Variants in FRMD3 observed in about 807,000 individuals in gnomAD.
FRMD3 encodes FERM domain containing 3, also known as FERM domain-containing protein 3.
FRMD3 carries 33 observed loss-of-function variants against 70.2 expected under a neutral mutation model. That is an observed-to-expected ratio of 0.47 (90% CI 0.36 to 0.63). FRMD3 has a LOEUF of 0.63. Ranked by LOEUF, FRMD3 falls within the 20% of genes least tolerant of loss-of-function variation. The pLI is 0.00. For missense variants in FRMD3, 632 were observed against 711.4 expected, an observed-to-expected ratio of 0.89 and a Z score of 1.27; for synonymous variants, 279 against 255.9, an observed-to-expected ratio of 1.09 and a Z score of -0.86.
chr9:83,478,752 T>C (rs1019918167), intron 1 of FRMD3, among the ~76,000 whole-genome samples: 2 of 152,138 alleles, frequency 1.3e-5, no homozygotes, highest in African/African-American at 4.8e-5. Context: ...ACAACACAAA[T>C]ATCCACTGGC....
At chr9:83,492,047 G>A (rs900645570) in intron 1 of FRMD3, among the ~76,000 whole-genome samples, 11 of 152,284 alleles carry the variant, frequency 7.2e-5, no homozygotes, top group Non-Finnish European at 1.5e-4. Flanking sequence ...AATTTTGAAT[G>A]TAAAAATGTG....
chr9:83,541,396 G>A (rs777952513), upstream of FRMD3, among the ~76,000 whole-genome samples: 2 of 152,176 alleles, frequency 1.3e-5, no homozygotes, highest in Non-Finnish European at 2.9e-5. Context: ...ATGAGAAAAA[G>A]GAAATTCCCT....
chr9:83,390,400 GTAGGGA>G (rs1329311535), intron 1 of FRMD3, among the ~76,000 whole-genome samples: 1 of 152,310 alleles, frequency 6.6e-6, no homozygotes, highest in East Asian at 1.9e-4. Flanking sequence ...AGCGGGAATG[GTAGGGA>G]ACCTGCTTCC....
the FRMD3 span, among the ~76,000 whole-genome samples, chr9:83,552,925 A>G: frequency 1.3e-5 from 2 of 151,816 alleles, no homozygotes; most frequent in East Asian, 3.9e-4. Flanking sequence ...CTTTTTTATT[A>G]TTATTATTAT....
chr9:83,526,128 A>C (rs1238994604), intron 1 of FRMD3, among the ~76,000 whole-genome samples: 2 of 152,118 alleles, frequency 1.3e-5, no homozygotes, highest in Non-Finnish European at 2.9e-5. Flanking sequence ...TGTTCCCCCA[A>C]CCTGCTTCTC....
intron 3 of FRMD3, among the ~76,000 whole-genome samples, chr9:83,355,784 A>T (rs1824315878): frequency 6.6e-6 from 1 of 152,248 alleles, no homozygotes; most frequent in Non-Finnish European, 1.5e-5. Context: ...TCAACTCAAC[A>T]GCTGAAAAGC....
chr9:83,452,365 A>C (rs1402077363), intron 1 of FRMD3, among the ~76,000 whole-genome samples: 1 of 152,252 alleles, frequency 6.6e-6, no homozygotes, highest in Non-Finnish European at 1.5e-5. Context: ...TAGGCACAGC[A>C]TCACCTGACG....
chr9:83,579,319 T>G, the FRMD3 span, among the ~76,000 whole-genome samples: 1 of 151,492 alleles, frequency 6.6e-6, no homozygotes, highest in Admixed American at 6.6e-5. Flanking sequence ...AAAAAAATCC[T>G]TAAATTCATG....
At chr9:83,527,604 C>G (rs1253986708) in intron 1 of FRMD3, among the ~76,000 whole-genome samples, 1 of 152,176 alleles carries the variant, frequency 6.6e-6, no homozygotes, top group Non-Finnish European at 1.5e-5. Flanking sequence ...CAAGCACCAC[C>G]TGGAAGCGTG....
At chr9:83,366,101 C>T (rs1477966621) in intron 3 of FRMD3, among the ~76,000 whole-genome samples, 1 of 152,050 alleles carries the variant, frequency 6.6e-6, no homozygotes, top group Non-Finnish European at 1.5e-5. Context: ...GTCACCCTCA[C>T]TACCGAGACA....
intron 7 of FRMD3, among the ~76,000 whole-genome samples, chr9:83,312,285 G>A (rs1192769713): frequency 6.6e-6 from 1 of 152,216 alleles, no homozygotes; most frequent in Non-Finnish European, 1.5e-5. Flanking sequence ...GGCTGCCTGT[G>A]TTCTAGGTCT....
intron 1 of FRMD3, among the ~76,000 whole-genome samples, chr9:83,532,663 T>C (rs1248797554): frequency 1.3e-5 from 2 of 152,030 alleles, no homozygotes; most frequent in African/African-American, 4.8e-5. Context: ...TTCCATTCCT[T>C]CCATAATGGC....
At chr9:83,357,265 ATATAT>A (rs1824417106) in intron 3 of FRMD3, among the ~76,000 whole-genome samples, 2 of 60,674 alleles carry the variant, frequency 3.3e-5, no homozygotes, top group South Asian at 4.7e-4. Context: ...ATATATATAT[ATATAT>A]ATATATATAT....
chr9:83,262,968 C>G (rs1216565258), intron 13 of FRMD3, among the ~76,000 whole-genome samples: 1 of 152,132 alleles, frequency 6.6e-6, no homozygotes, highest in Non-Finnish European at 1.5e-5. Flanking sequence ...TGGGCCAACC[C>G]TGAAAATAAA....
chr9:83,470,139 C>T (rs1209389764), intron 1 of FRMD3, among the ~76,000 whole-genome samples: 2 of 152,028 alleles, frequency 1.3e-5, no homozygotes, highest in African/African-American at 2.4e-5. Flanking sequence ...GAGGTTCTAC[C>T]ACTCAGGGAA....
At chr9:83,446,827 G>T (rs1162662840) in intron 1 of FRMD3, among the ~76,000 whole-genome samples, 1 of 152,104 alleles carries the variant, frequency 6.6e-6, no homozygotes, top group Non-Finnish European at 1.5e-5. Context: ...GGGCACTTGA[G>T]TATGGGGTGC....
At chr9:83,533,660 T>C (rs1185765595) in intron 1 of FRMD3, among the ~76,000 whole-genome samples, 6 of 152,196 alleles carry the variant, frequency 3.9e-5, no homozygotes, top group Non-Finnish European at 8.8e-5. Context: ...TGTGCACATA[T>C]TATACTATAT....
At chr9:83,400,923 T>C (rs1268128463) in intron 1 of FRMD3, among the ~76,000 whole-genome samples, 1 of 152,210 alleles carries the variant, frequency 6.6e-6, no homozygotes, top group Non-Finnish European at 1.5e-5. Flanking sequence ...CTTAGTATAG[T>C]CTGTGATCTG....
At chr9:83,303,721 A>G (rs562971885) in intron 10 of FRMD3, among the ~76,000 whole-genome samples, 1 of 152,248 alleles carries the variant, frequency 6.6e-6, no homozygotes, top group Non-Finnish European at 1.5e-5. Flanking sequence ...TATAATTTAC[A>G]TACCTTAAAT....
Sources: allele counts gnomAD v4.1 joint callset (sites outside exome capture counted in the v4.1 genomes callset), GRCh38; gene constraint gnomAD v4.1.1; transcripts MANE v1.5; gene names NCBI Gene and HGNC (gene_info 2026-07-23, HGNC 2026-07-21).